Variants in CSPP1 observed in about 807,000 individuals in gnomAD.
CSPP1 encodes centrosome and spindle pole associated protein 1, also known as centrosome and spindle pole-associated protein 1.
Under a neutral mutation model 164.4 loss-of-function variants are expected in CSPP1, and 126 were observed. That is an observed-to-expected ratio of 0.77 (90% confidence interval 0.66 to 0.89). The LOEUF (loss-of-function observed/expected upper bound fraction) is 0.89. Among genes scored for constraint, CSPP1 ranks in the 40% least tolerant of loss-of-function variants. CSPP1 has a pLI of 0.00. For synonymous variants in CSPP1, 472 were observed against 476.7 expected, an observed-to-expected ratio of 0.99 and a Z score of 0.13; for missense variants, 1,395 against 1,449.8, an observed-to-expected ratio of 0.96 and a Z score of 0.61.
chr8:67,158,671 A>T, intron 20 of CSPP1, 75 bp downstream of exon 20: 1 of 1,488,708 alleles, frequency 6.7e-7, no homozygotes, highest in Non-Finnish European at 8.9e-7. Context: ...GGTATTTCTT[A>T]CTTATAAAGG....
chr8:67,095,253 T>C, intron 6 of CSPP1, 40 bp from the exon 7 acceptor site: 1 of 1,326,932 alleles, frequency 7.5e-7, no homozygotes, highest in Non-Finnish European at 1.0e-6. Flanking sequence ...AGATAGTTTC[T>C]TGTCAAGTTT....
rs553068500 is a variant in CSPP1 at position 67,195,796 on chromosome 8, A to ATTATT, written c.*206_*210dup. The ATTATT allele has an allele frequency of 6.8e-4, 365 of 534,970 alleles. 4 individuals are homozygous for ATTATT. Among genetic ancestry groups the ATTATT allele is most frequent in the African/African-American group, 6.5e-3 (343 of 52,790 alleles). The allele number at this position is 534,970 out of a possible 1,614,324, so 33.1% of individuals were successfully genotyped here. ...TGATTTATATAATAGAATTGTATAG[A>ATTATT]TTATTTTTGCACAGTTTTGTCATAA... On this transcript the variant is annotated 3_prime_UTR_variant, in exon 31 of 31. Transcript: ENST00000678616.
chr8:67,142,822 C>T (rs1823766456), intron 17 of CSPP1, among the ~76,000 whole-genome samples: 1 of 152,106 alleles, frequency 6.6e-6, no homozygotes, highest in African/African-American at 2.4e-5. Flanking sequence ...TTCATCAGCA[C>T]TTGAAATTAT....
chr8:67,183,364 T>C (rs930950228), intron 28 of CSPP1, among the ~76,000 whole-genome samples: 1 of 152,178 alleles, frequency 6.6e-6, no homozygotes, highest in Non-Finnish European at 1.5e-5. Flanking sequence ...CAGGGTCACA[T>C]GGAACATTCA....
chr8:67,195,731 A>G lies in CSPP1; in HGVS notation c.*138A>G. On this transcript the variant is annotated 3_prime_UTR_variant, in exon 31 of 31. Transcript: ENST00000678616. ...ATCTGTATATAAAATTATTTTTATCATGATGTATATTATGTACATAAATAA... is the reference window on the plus strand; with the variant it reads ...ATCTGTATATAAAATTATTTTTATCGTGATGTATATTATGTACATAAATAA... 1 of 645,048 alleles carries G rather than the reference A, an allele frequency of 1.6e-6. No homozygotes were observed. Among genetic ancestry groups the G allele is most frequent in the Non-Finnish European group, 2.7e-6 (1 of 365,674 alleles). The allele number at this position is 645,048 out of a possible 1,614,324, so 40.0% of individuals were successfully genotyped here. A position where few individuals can be genotyped will look rare whatever the true frequency, so the allele number is the denominator to read the frequency against.
chr8:67,149,740 G>A, intron 17 of CSPP1, 43 bp from the exon 18 acceptor site: 4 of 1,375,940 alleles, frequency 2.9e-6, no homozygotes, highest in Admixed American at 2.7e-5. Flanking sequence ...GCCAATTACA[G>A]AAATGTGTTT....
At chr8:67,100,396 G>C (rs2129546576) in intron 7 of CSPP1, among the ~76,000 whole-genome samples, 1 of 152,116 alleles carries the variant, frequency 6.6e-6, no homozygotes, top group East Asian at 1.9e-4. Flanking sequence ...TGGGTGCAGT[G>C]GTGGTATAAA....
At position 67,159,088 on chromosome 8, in the gene CSPP1, A is replaced by C. The variant is rs762268494; in HGVS notation, c.2489A>C (p.Gln830Pro). 6.2e-7 allele frequency: 1 copy of C among 1,612,834 alleles called. No individual in the cohort carries two copies. Among genetic ancestry groups the C allele is most frequent in the East Asian group, 2.2e-5 (1 of 44,802 alleles). Residue 830 changes from glutamine to proline, a missense_variant, in exon 21 of 31, where the codon CAA becomes CCA. Physicochemically the swap from Gln to Pro is moderately conservative, Grantham distance 76 (BLOSUM62 -1). Coordinates refer to ENST00000678616, the MANE Select transcript of CSPP1 (RefSeq NM_001382391.1). ...KKEEEEKYNL[Q>P]LQHYCERDNL... ...GAAGAAGAAGAAAAATATAACCTGCAACTTCAGCACTACTGTGAAAGAGAC... is the reference window on the plus strand; with the variant it reads ...GAAGAAGAAGAAAAATATAACCTGCCACTTCAGCACTACTGTGAAAGAGAC...
At chr8:67,154,690 G>A (rs528965936) in intron 19 of CSPP1, among the ~76,000 whole-genome samples, 212 of 151,798 alleles carry the variant, frequency 1.4e-3, no homozygotes, top group African/African-American at 4.8e-3. Flanking sequence ...TAATAGAGAC[G>A]GGATGTCACC....
intron 27 of CSPP1, among the ~76,000 whole-genome samples, 184 bp from the exon 28 acceptor site, chr8:67,179,679 T>C (rs1003658699): frequency 6.6e-6 from 1 of 152,190 alleles, no homozygotes; most frequent in African/African-American, 2.4e-5. Context: ...ACCGTCTTCG[T>C]AGGAATTGTG....
At chr8:67,070,455 TC>T (rs1409039053) in intron 1 of CSPP1, among the ~76,000 whole-genome samples, 1 of 131,400 alleles carries the variant, frequency 7.6e-6, no homozygotes, top group Non-Finnish European at 1.6e-5. Context: ...AGAGCGAGAC[TC>T]CATCTCAAAA....
chr8:67,107,627 AC>A (rs1472848711), intron 9 of CSPP1, among the ~76,000 whole-genome samples: 7 of 152,158 alleles, frequency 4.6e-5, no homozygotes, highest in Non-Finnish European at 1.0e-4. Context: ...TAGGAAACTT[AC>A]GATTTCCAGA....
chr8:67,068,954 C>T (rs1469973855), intron 1 of CSPP1: 1 of 152,176 alleles, frequency 6.6e-6, no homozygotes, highest in Non-Finnish European at 1.5e-5. Context: ...TAGCCTCCCC[C>T]TATATTTTAG....
chr8:67,170,622 G>A (rs1444615330), intron 24 of CSPP1, among the ~76,000 whole-genome samples: 1 of 152,026 alleles, frequency 6.6e-6, no homozygotes, highest in African/African-American at 2.4e-5. Flanking sequence ...CATACTCCAT[G>A]AACATTTTAT....
chr8:67,153,569 A>T (rs1239709681), intron 18 of CSPP1, among the ~76,000 whole-genome samples: 2 of 152,134 alleles, frequency 1.3e-5, no homozygotes, highest in Non-Finnish European at 2.9e-5. Flanking sequence ...ATTGGGAAGC[A>T]TTTTGAAATT....
intron 24 of CSPP1, among the ~76,000 whole-genome samples, chr8:67,170,261 G>A (rs761848650): frequency 2.5e-4 from 38 of 149,710 alleles, no homozygotes; most frequent in Non-Finnish European, 5.2e-4. Context: ...CCTGACCAAC[G>A]TGGCAAAATC....
intron 2 of CSPP1, chr8:67,074,693 G>T: frequency 4.4e-6 from 1 of 225,750 alleles, no homozygotes; most frequent in South Asian, 5.0e-5. Context: ...AATTTAATTA[G>T]TTTAAAAAGT....
chr8:67,131,938 G>A lies in CSPP1; in HGVS notation c.1698-13G>A, dbSNP rs746076388. 4 of 1,581,194 alleles carry A rather than the reference G, an allele frequency of 2.5e-6. No homozygotes were observed. In the South Asian group the frequency reaches 4.6e-5, roughly 18 times the overall value. ...TCAATGGATTTAAATTATTTATTGT[G>A]TATTTGATGTAGGAATACGGTTGGA... On this transcript the variant is annotated splice_polypyrimidine_tract_variant and intron_variant, in intron 15 of 30. Transcript: ENST00000678616.
At position 67,103,024 on chromosome 8, in the gene CSPP1, A is replaced by C; in HGVS notation, c.924-13A>C. Reference sequence around the variant, plus strand: ...TATGTGGCACATGCTTTATAAGCTAATGTGTTTTTAAGGATGCACAGGAAC... The same window carrying C: ...TATGTGGCACATGCTTTATAAGCTACTGTGTTTTTAAGGATGCACAGGAAC... On this transcript the variant is annotated splice_polypyrimidine_tract_variant and intron_variant, in intron 7 of 30. Coordinates refer to ENST00000678616, the MANE Select transcript of CSPP1 (RefSeq NM_001382391.1). 1.3e-6 allele frequency: 2 copies of C among 1,516,216 alleles called. No homozygotes were observed. The highest frequency in any genetic ancestry group is 2.3e-5 in the East Asian group (1 of 44,316). 93.9% of individuals were successfully genotyped at this position (1,516,216 alleles called of 1,614,324 possible). A position where few individuals can be genotyped will look rare whatever the true frequency, so the allele number is the denominator to read the frequency against.
Sources: gnomAD v4.1 joint callset for allele counts (sites outside exome capture counted in the v4.1 genomes callset) on GRCh38, gnomAD v4.1.1 for gene constraint, MANE v1.5 for transcripts, NCBI Gene and HGNC (gene_info 2026-07-23, HGNC 2026-07-21) for gene names.